Variants in TRAPPC9 observed in about 807,000 individuals in gnomAD.
The protein encoded by TRAPPC9 is IKK2 binding protein.
Under a neutral mutation model 124.0 loss-of-function variants are expected in TRAPPC9, and 83 were observed. The ratio of observed to expected loss-of-function variants is 0.67; its 90% confidence interval spans 0.56 to 0.80. The LOEUF is 0.80. Ranked by LOEUF, TRAPPC9 falls within the 30% of genes least tolerant of loss-of-function variation. The pLI, the probability that TRAPPC9 is intolerant of heterozygous loss-of-function variation, is 0.00. For synonymous variants in TRAPPC9, 638 were observed against 617.5 expected (o/e 1.03, Z -0.49); for missense variants, 1,302 against 1,508.3 (o/e 0.86, Z 2.27).
chr8:140,252,484 T>C lies in TRAPPC9; in HGVS notation c.2431+293A>G. On this transcript the variant is annotated intron_variant, in intron 16 of 22. Transcript: ENST00000438773. The surrounding 1 kb of genome is among the most constrained non-coding windows in gnomAD (Gnocchi z 4.2). ...TCTAAAGAATCACAGCAGTTATACT[T>C]GAAAAAACGCAGTAATTCCTACATT... 7 of 405,902 alleles carry C rather than the reference T, an allele frequency of 1.7e-5. No homozygotes were observed. In the South Asian group the frequency reaches 1.8e-4, roughly 11 times the overall value. The allele number at this position is 405,902 out of a possible 1,614,324, so 25.1% of individuals were successfully genotyped here. A position where few individuals can be genotyped will look rare whatever the true frequency, so the allele number is the denominator to read the frequency against.
At chr8:140,452,895 A>G (rs1025270310) in intron 1 of TRAPPC9, among the ~76,000 whole-genome samples, 6 of 152,176 alleles carry the variant, frequency 3.9e-5, no homozygotes, top group African/African-American at 1.4e-4. Flanking sequence ...CCTGAACCCT[A>G]GTTTCATTGT....
intron 17 of TRAPPC9, among the ~76,000 whole-genome samples, chr8:140,086,684 G>A (rs1040803715): frequency 6.6e-6 from 1 of 152,146 alleles, no homozygotes; most frequent in Non-Finnish European, 1.5e-5. Context: ...CACTTTGGGC[G>A]GCCGAGGCTT....
intron 17 of TRAPPC9, among the ~76,000 whole-genome samples, chr8:140,048,933 G>A (rs1010879797): frequency 6.6e-6 from 1 of 152,088 alleles, no homozygotes; most frequent in Non-Finnish European, 1.5e-5. Context: ...TTATACCCTC[G>A]GTGCCCGGAA....
intron 17 of TRAPPC9, among the ~76,000 whole-genome samples, chr8:140,188,696 T>C (rs1218938593): frequency 6.6e-6 from 1 of 152,158 alleles, no homozygotes; most frequent in African/African-American, 2.4e-5. Flanking sequence ...TCTTCCTCCT[T>C]CAAGTCTCTC....
At chr8:140,319,787 G>A (rs1317819681) in intron 9 of TRAPPC9, among the ~76,000 whole-genome samples, 1 of 152,176 alleles carries the variant, frequency 6.6e-6, no homozygotes, top group Non-Finnish European at 1.5e-5. Context: ...CATTTTTAAT[G>A]AAAGCCTAGT....
At chr8:140,168,726 G>C (rs1587847082) in intron 17 of TRAPPC9, among the ~76,000 whole-genome samples, 1 of 152,212 alleles carries the variant, frequency 6.6e-6, no homozygotes, top group Admixed American at 6.5e-5. Context: ...TGAGTGACCA[G>C]TGTCCAGGGG....
At chr8:139,973,266 C>T (rs1000418935) in intron 19 of TRAPPC9, among the ~76,000 whole-genome samples, 1 of 152,202 alleles carries the variant, frequency 6.6e-6, no homozygotes, top group African/African-American at 2.4e-5. Context: ...AGGGGTCAGG[C>T]CCCGCACCGT....
chr8:140,385,190 A>T (rs903277433), intron 7 of TRAPPC9, among the ~76,000 whole-genome samples: 2 of 152,210 alleles, frequency 1.3e-5, no homozygotes, highest in Non-Finnish European at 2.9e-5. Flanking sequence ...GGAAATTTAT[A>T]GCACTAAATG....
intron 21 of TRAPPC9, among the ~76,000 whole-genome samples, chr8:139,741,187 C>T (rs1478093386): frequency 6.6e-6 from 1 of 152,124 alleles, no homozygotes; most frequent in Non-Finnish European, 1.5e-5. Context: ...TGTGAAGCTC[C>T]CCCCGGGCGT....
intron 9 of TRAPPC9, among the ~76,000 whole-genome samples, chr8:140,335,705 A>ATT (rs10622473): frequency 0.019 from 2,489 of 131,674 alleles, 114 homozygotes; most frequent in African/African-American, 0.057. Flanking sequence ...AGTCTTCACA[A>ATT]TTTTTTTTTT....
Position 139,767,098 on chromosome 8 carries a change from G to A in TRAPPC9, c.3056-34896C>T, listed in dbSNP as rs147876243. On this transcript the variant is annotated intron_variant, in intron 21 of 22. Transcript: ENST00000438773. The stretch of plus-strand genomic sequence containing the variant: ...AGGACCCTGATGATGACAAGGCCAC[G>A]TGTCAGCTACCACATGGCTCCAGGT... Among the ~76,000 whole-genome samples the A allele has an allele frequency of 1.4e-4, 22 of 152,348 alleles. No individual in the cohort carries two copies. In the East Asian group the frequency reaches 3.1e-3, roughly 21 times the overall value.
chr8:139,925,747 TA>T (rs745528003), intron 19 of TRAPPC9, among the ~76,000 whole-genome samples: 729 of 124,758 alleles, frequency 5.8e-3, no homozygotes, highest in East Asian at 0.011. Flanking sequence ...GACTCCATCT[TA>T]AAAAAAAAAA....
Position 139,988,944 on chromosome 8 carries a change from ATATCGAAATGCCAAG to A in TRAPPC9, c.2700-123_2700-109del. ...TCCCACCACTTAAGAAGGGCAAAGT[ATATCGAAATGCCAAG>A]TGCTCCTGGGCTCAGAGGATTACGG... On this transcript the variant is annotated intron_variant, in intron 18 of 22. Coordinates refer to ENST00000438773, the MANE Select transcript of TRAPPC9 (RefSeq NM_001160372.4). The A allele has an allele frequency of 6.6e-6, 5 of 760,812 alleles. 1 individual carries two copies. The South Asian group carries it at 7.4e-5, about 11-fold the overall frequency. The allele number at this position is 760,812 out of a possible 1,614,324, so 47.1% of individuals were successfully genotyped here. A position where few individuals can be genotyped will look rare whatever the true frequency, so the allele number is the denominator to read the frequency against.
At chr8:139,910,326 G>A in intron 19 of TRAPPC9, 26 bp from the exon 20 acceptor site, 1 of 1,614,026 alleles carries the variant, frequency 6.2e-7, no homozygotes, top group Non-Finnish European at 8.5e-7. Context: ...AAACACAGCA[G>A]AGAATTCATC....
At chr8:139,752,753 T>C (rs912253003) in intron 21 of TRAPPC9, among the ~76,000 whole-genome samples, 2 of 149,938 alleles carry the variant, frequency 1.3e-5, no homozygotes, top group African/African-American at 4.9e-5. Flanking sequence ...CTACCATCCA[T>C]CCATCTATAT....
chr8:139,957,016 T>C (rs1835032479), intron 19 of TRAPPC9, among the ~76,000 whole-genome samples: 2 of 152,252 alleles, frequency 1.3e-5, no homozygotes, highest in African/African-American at 4.8e-5. Flanking sequence ...AAAGGCCACT[T>C]CCTCAGAGAC....
rs573855309 is a variant in TRAPPC9, at chr8:139,885,996, C to G, written c.2965-27G>C. ...TGAGCCTTGGTCAAGGAAAACGCAA[C>G]TCCTGCGGAGCCCAGGGACAGAAGA... On this transcript the variant is annotated intron_variant, in intron 20 of 22. Coordinates refer to ENST00000438773, the MANE Select transcript of TRAPPC9 (RefSeq NM_001160372.4). The G allele has an allele frequency of 1.4e-5, 22 of 1,550,584 alleles. No individual in the cohort carries two copies. The Admixed American group carries it at 3.1e-4, about 22-fold the overall frequency.
At chr8:140,315,461 TTCA>T (rs1449874540) in intron 9 of TRAPPC9, among the ~76,000 whole-genome samples, 2 of 152,118 alleles carry the variant, frequency 1.3e-5, no homozygotes, top group Non-Finnish European at 2.9e-5. Flanking sequence ...ATATCTTGTG[TTCA>T]AGATTAAAAT....
chr8:140,332,028 C>T (rs1216523989), intron 9 of TRAPPC9, among the ~76,000 whole-genome samples: 1 of 152,166 alleles, frequency 6.6e-6, no homozygotes, highest in Non-Finnish European at 1.5e-5. Context: ...ACTCCCATGT[C>T]TACCGCAGCA....
Sources: allele counts gnomAD v4.1 joint callset (sites outside exome capture counted in the v4.1 genomes callset), GRCh38; gene constraint gnomAD v4.1.1; non-coding constraint Gnocchi (gnomAD v3.1); transcripts MANE v1.5; gene names NCBI Gene and HGNC (gene_info 2026-07-23, HGNC 2026-07-21).